Variants in CHID1 observed in about 807,000 individuals in gnomAD.
The protein encoded by CHID1 is chitinase domain-containing protein 1.
Under a neutral mutation model 55.4 loss-of-function variants are expected in CHID1, and 44 were observed. The observed-to-expected ratio is 0.79, with a 90% CI of 0.62 to 1.02. The LOEUF (loss-of-function observed/expected upper bound fraction) is 1.02. Ranked by LOEUF, CHID1 falls within the 50% of genes least tolerant of loss-of-function variation. CHID1 has a pLI of 0.00. For missense variants in CHID1, 491 were observed against 515.3 expected, an observed-to-expected ratio of 0.95 and a Z score of 0.46; for synonymous variants, 216 against 212.9, an observed-to-expected ratio of 1.01 and a Z score of -0.13.
chr11:876,724 G>C (rs1222371323), intron 10 of CHID1, among the ~76,000 whole-genome samples: 2 of 152,252 alleles, frequency 1.3e-5, no homozygotes, highest in Non-Finnish European at 2.9e-5. Context: ...GCAGCTGTGA[G>C]GATGCACGTG....
rs1404808446 is a variant in CHID1 at position 875,105 on chromosome 11, G to A, written c.960-4606C>T. Among the ~76,000 whole-genome samples, 2 of 152,256 alleles carry A rather than the reference G, an allele frequency of 1.3e-5. No individual in the cohort carries two copies. Among genetic ancestry groups the A allele is most frequent in the South Asian group, 2.1e-4 (1 of 4,838 alleles). ...CGGGCCAGGGCTGCTGTGAGCAATGGTGAGGCCCCCAGTGCCAGGCCCAGG... is the reference window on the plus strand; with the variant it reads ...CGGGCCAGGGCTGCTGTGAGCAATGATGAGGCCCCCAGTGCCAGGCCCAGG... On this transcript the variant is annotated intron_variant, in intron 10 of 12. Coordinates refer to ENST00000323578, the MANE Select transcript of CHID1 (RefSeq NM_023947.4). This position sits in a 1 kb window ranked among gnomAD's most constrained non-coding sequence, Gnocchi z 4.7.
At chr11:907,192 T>C (rs982148721) in intron 1 of CHID1, among the ~76,000 whole-genome samples, 1 of 151,608 alleles carries the variant, frequency 6.6e-6, no homozygotes, top group Non-Finnish European at 1.5e-5. Flanking sequence ...AAAGTGATTC[T>C]ACTTTCCGGC....
At chr11:891,959 A>C (rs1290391774) in intron 8 of CHID1, among the ~76,000 whole-genome samples, 44 of 95,938 alleles carry the variant, frequency 4.6e-4, no homozygotes, top group East Asian at 3.0e-3. Flanking sequence ...AAAAAAAAAA[A>C]ACACAAATTA....
intron 4 of CHID1, among the ~76,000 whole-genome samples, chr11:901,858 C>T (rs373774157): frequency 2.6e-5 from 4 of 152,296 alleles, no homozygotes; most frequent in African/African-American, 9.6e-5. Context: ...CCACTTAGCA[C>T]ACCAGCCCAC....
chr11:900,666 G>A (rs768677960), intron 5 of CHID1, among the ~76,000 whole-genome samples: 6 of 152,160 alleles, frequency 3.9e-5, no homozygotes, highest in Non-Finnish European at 7.3e-5. Context: ...GGAAGAAATG[G>A]GATTGAGAAC....
intron 8 of CHID1, among the ~76,000 whole-genome samples, chr11:892,215 G>C (rs1312321260): frequency 6.6e-6 from 1 of 152,240 alleles, no homozygotes; most frequent in Non-Finnish European, 1.5e-5. Flanking sequence ...TATTGCCGGG[G>C]AGGCTGAGGT....
chr11:904,947 A>T, intron 1 of CHID1, 88 bp from the exon 2 acceptor site: 1 of 1,430,534 alleles, frequency 7.0e-7, no homozygotes, highest in Non-Finnish European at 9.5e-7. Context: ...ACTTTCTCCT[A>T]ATAGGGCCTG....
upstream of CHID1, chr11:911,328 G>GCT (rs1174740963): frequency 2.0e-5 from 3 of 152,248 alleles, no homozygotes; most frequent in Non-Finnish European, 4.4e-5. Context: ...CGAAACGCGC[G>GCT]CTCTCTCGGT....
At chr11:877,947 A>G (rs1305047583) in intron 10 of CHID1, among the ~76,000 whole-genome samples, 3 of 152,220 alleles carry the variant, frequency 2.0e-5, no homozygotes, top group Non-Finnish European at 4.4e-5. Flanking sequence ...TTAATGGACC[A>G]GTGGGTGACC....
chr11:877,077 C>T (rs1294311264), intron 10 of CHID1, among the ~76,000 whole-genome samples: 1 of 152,122 alleles, frequency 6.6e-6, no homozygotes, highest in Non-Finnish European at 1.5e-5. Flanking sequence ...GAGTGAGGAC[C>T]CAGAAGCAGT....
intron 4 of CHID1, among the ~76,000 whole-genome samples, chr11:901,769 G>A (rs1307657792): frequency 1.3e-5 from 2 of 152,064 alleles, no homozygotes; most frequent in Non-Finnish European, 2.9e-5. Context: ...GCACCAACTT[G>A]GCCTTGCAGA....
chr11:889,179 AG>A (rs1403804702), intron 8 of CHID1, among the ~76,000 whole-genome samples: 1 of 152,060 alleles, frequency 6.6e-6, no homozygotes, highest in Non-Finnish European at 1.5e-5. Context: ...CCCAGATCCG[AG>A]GGGAGACGGT....
At chr11:873,182 C>T (rs1038993427) in intron 10 of CHID1, among the ~76,000 whole-genome samples, 37 of 152,056 alleles carry the variant, frequency 2.4e-4, no homozygotes, top group Middle Eastern at 3.4e-3. Flanking sequence ...TGGGGCCACC[C>T]GGTATAGGGG....
At chr11:912,241 C>T (rs1384619354), upstream of CHID1, among the ~76,000 whole-genome samples, 2 of 152,126 alleles carry the variant, frequency 1.3e-5, no homozygotes, top group African/African-American at 2.4e-5. Context: ...TTACTTGAAC[C>T]TGGGAGGCTG....
intron 1 of CHID1, among the ~76,000 whole-genome samples, chr11:909,109 G>A (rs1852446753): frequency 6.6e-6 from 1 of 152,226 alleles, no homozygotes; most frequent in South Asian, 2.1e-4. Flanking sequence ...GAGATGGTGT[G>A]TGTGATGTGT....
At chr11:900,587 A>G (rs1331449529) in intron 5 of CHID1, among the ~76,000 whole-genome samples, 3 of 152,168 alleles carry the variant, frequency 2.0e-5, no homozygotes, top group Admixed American at 1.3e-4. Flanking sequence ...GGCCAGGGTC[A>G]GCATCACCCT....
chr11:874,184 G>A lies in CHID1; in HGVS notation c.960-3685C>T, dbSNP rs186803169. ...GCAAGGATTAAAAACAGAGGGGGCC[G>A]GGCGTGGTGGCTCACGCCTGTAATC... On this transcript the variant is annotated intron_variant, in intron 10 of 12. Transcript: ENST00000323578. Among the ~76,000 whole-genome samples, 170 of 152,310 alleles carry A rather than the reference G, an allele frequency of 1.1e-3. 3 individuals carry two copies. The East Asian group carries it at 0.031, about 28-fold the overall frequency.
intron 8 of CHID1, 40 bp downstream of exon 8, chr11:893,387 C>A (rs774427420): frequency 8.6e-6 from 13 of 1,509,724 alleles, no homozygotes; most frequent in Non-Finnish European, 1.2e-5. Flanking sequence ...GACCCCAGAG[C>A]CCTCCACAGC....
chr11:878,565 A>C (rs1276531403), intron 10 of CHID1, among the ~76,000 whole-genome samples: 1 of 152,058 alleles, frequency 6.6e-6, no homozygotes, highest in African/African-American at 2.4e-5. Flanking sequence ...TTCTGTCTAA[A>C]AAAAAAAAAA....
Sources: allele counts gnomAD v4.1 joint callset (sites outside exome capture counted in the v4.1 genomes callset), GRCh38; gene constraint gnomAD v4.1.1; non-coding constraint Gnocchi (gnomAD v3.1); transcripts MANE v1.5; gene names NCBI Gene and HGNC (gene_info 2026-07-23, HGNC 2026-07-21).